CARS1: variants seen among roughly 807,000 people sequenced by gnomAD.
CARS1 encodes the protein cysteine--tRNA ligase, cytoplasmic.
Under a neutral mutation model 106.2 loss-of-function variants are expected in CARS1, and 48 were observed. That is an observed-to-expected ratio of 0.45 (90% CI 0.36 to 0.57). The LOEUF (loss-of-function observed/expected upper bound fraction) is 0.57. Among genes scored for constraint, CARS1 ranks in the 20% least tolerant of loss-of-function variants. The pLI is 0.00. For synonymous variants in CARS1, 409 were observed against 403.4 expected (o/e 1.01, Z -0.17); for missense variants, 968 against 1,057.2 (o/e 0.92, Z 1.17).
intron 1 of CARS1, among the ~76,000 whole-genome samples, chr11:3,056,266 G>A (rs772597063): frequency 6.6e-6 from 1 of 152,224 alleles, no homozygotes; most frequent in Non-Finnish European, 1.5e-5. Context: ...GGGGGCTGGA[G>A]GTGTCTTACA....
In CARS1 at chr11:3,048,062, A is replaced by G; in HGVS notation, c.26-61T>C. On this transcript the variant is annotated intron_variant, in intron 1 of 22. Transcript: ENST00000380525. This position sits in a 1 kb window ranked among gnomAD's most constrained non-coding sequence, Gnocchi z 5.1. Reference sequence around the variant, plus strand: ...AGGCGGGCAGCCCAGAGGCCGCCAGAAAGACAGGGACTAGGGGATGGCACA... The same window carrying G: ...AGGCGGGCAGCCCAGAGGCCGCCAGGAAGACAGGGACTAGGGGATGGCACA... The G allele has an allele frequency of 6.3e-7, 1 of 1,582,874 alleles. No individual in the cohort carries two copies. Among genetic ancestry groups the G allele is most frequent in the Non-Finnish European group, 8.6e-7 (1 of 1,161,660 alleles).
At position 3,038,703 on chromosome 11, in the gene CARS1, T is replaced by C. The variant is rs1854014211; in HGVS notation, c.651+491A>G. On this transcript the variant is annotated intron_variant, in intron 6 of 22. Coordinates refer to ENST00000380525, the MANE Select transcript of CARS1 (RefSeq NM_001014437.3). This position sits in a 1 kb window ranked among gnomAD's most constrained non-coding sequence, Gnocchi z 4.0. ...TAGTAGAGAGTAAAATGACCTATTC[T>C]TACTATTGTAATAAAAATAAGTATA... 1.3e-5 allele frequency among the ~76,000 whole-genome samples: 2 copies of C among 152,224 alleles called. No individual in the cohort carries two copies. The highest frequency in any genetic ancestry group is 4.8e-5 in the African/African-American group (2 of 41,450).
At position 3,041,034 on chromosome 11, in the gene CARS1, G is replaced by A. The variant is rs1306144513; in HGVS notation, c.367-50C>T. ...GATCACAAGAAATGCAAGAAACACTGCACAGGATTACCAAAAACAGCAACA... is the reference window on the plus strand; with the variant it reads ...GATCACAAGAAATGCAAGAAACACTACACAGGATTACCAAAAACAGCAACA... On this transcript the variant is annotated intron_variant, in intron 3 of 22. Coordinates refer to ENST00000380525, the MANE Select transcript of CARS1 (RefSeq NM_001014437.3). The surrounding 1 kb of genome is among the most constrained non-coding windows in gnomAD (Gnocchi z 4.9). The A allele has an allele frequency of 2.5e-6, 4 of 1,613,350 alleles. No homozygotes were observed. The highest frequency in any genetic ancestry group is 3.4e-6 in the Non-Finnish European group (4 of 1,179,684).
chr11:3,044,362 T>C lies in CARS1; in HGVS notation c.275-2106A>G, dbSNP rs1854854980. 6.6e-6 allele frequency among the ~76,000 whole-genome samples: 1 copy of C among 151,790 alleles called. No individual in the cohort carries two copies. The highest frequency in any genetic ancestry group is 2.1e-4 in the South Asian group (1 of 4,812). ...GGGTTACCAGGCCCAGATATACAAA[T>C]TCAGATTTGCAAAAGGGAAGAACTG... is the stretch of plus-strand genomic sequence containing the variant. On this transcript the variant is annotated intron_variant, in intron 2 of 22. Transcript: ENST00000380525. The surrounding 1 kb of genome is among the most constrained non-coding windows in gnomAD (Gnocchi z 4.4).
intron 17 of CARS1, among the ~76,000 whole-genome samples, chr11:3,014,433 A>T (rs57214282): frequency 0.011 from 1,675 of 152,352 alleles, 36 homozygotes; most frequent in African/African-American, 0.038. Context: ...CTTCGCAATC[A>T]GCTGACTGCA....
Position 3,057,399 on chromosome 11 carries a change from A to G in CARS1, c.-32T>C, listed in dbSNP as rs1229680140. The stretch of plus-strand genomic sequence containing the variant: ...GAATCCCGGACCCGCAGCTGCGGCT[A>G]CAGACACTTCCTAGAATCTGATGCA... On this transcript the variant is annotated 5_prime_UTR_variant, in exon 1 of 23. Transcript: ENST00000380525. The G allele has an allele frequency of 3.1e-6, 5 of 1,604,110 alleles. No individual in the cohort carries two copies. The South Asian group carries it at 5.5e-5, about 18-fold the overall frequency.
chr11:3,022,205 G>C lies in CARS1; in HGVS notation c.1154-1873C>G, dbSNP rs994401368. 1.3e-5 allele frequency among the ~76,000 whole-genome samples: 2 copies of C among 152,350 alleles called. No individual in the cohort carries two copies. Among genetic ancestry groups the C allele is most frequent in the African/African-American group, 4.8e-5 (2 of 41,584 alleles). ...TGCTCCACCACTGTTCCTAGCGATA[G>C]AATCTCTAACCCTGGACCTTTTTAC... On this transcript the variant is annotated intron_variant, in intron 10 of 22. Coordinates refer to ENST00000380525, the MANE Select transcript of CARS1 (RefSeq NM_001014437.3). This position sits in a 1 kb window ranked among gnomAD's most constrained non-coding sequence, Gnocchi z 4.9.
intron 18 of CARS1, among the ~76,000 whole-genome samples, chr11:3,010,872 A>G (rs1359238275): frequency 2.6e-5 from 4 of 152,116 alleles, no homozygotes; most frequent in African/African-American, 7.2e-5. Flanking sequence ...TGTCTTCAGC[A>G]TGCCCTGCCT....
chr11:3,040,128 C>G lies in CARS1; in HGVS notation c.456-197G>C. ...GGATGATGACCTTTATAATGATCCA[C>G]TTCCACCTAATGAATAGTAAATATA... On this transcript the variant is annotated intron_variant, in intron 4 of 22. Coordinates refer to ENST00000380525, the MANE Select transcript of CARS1 (RefSeq NM_001014437.3). The surrounding 1 kb of genome is among the most constrained non-coding windows in gnomAD (Gnocchi z 5.8). 1 of 515,820 alleles carries G rather than the reference C, an allele frequency of 1.9e-6. No homozygotes were observed. The highest frequency in any genetic ancestry group is 3.4e-6 in the Non-Finnish European group (1 of 294,734). The allele number at this position is 515,820 out of a possible 1,614,324, so 32.0% of individuals were successfully genotyped here.
chr11:3,017,156 T>G lies in CARS1; in HGVS notation c.1867A>C (p.Asn623His), dbSNP rs1565040203. Reference sequence around the variant, plus strand: ...GCGATGTTCTCCAGCAGAGCCTGGTTGGGCCTCTTCCTCACGGCTTTCCGG... The same window carrying G: ...GCGATGTTCTCCAGCAGAGCCTGGTGGGGCCTCTTCCTCACGGCTTTCCGG... ...AARKAVRKRP[N>H]QALLENIALY... The change falls in exon 16 of 23, where the codon AAC becomes CAC. Residue 623 changes from asparagine (N) to histidine (H), a missense_variant. Coordinates refer to ENST00000380525, the MANE Select transcript of CARS1 (RefSeq NM_001014437.3). This position sits in a 1 kb window ranked among gnomAD's most constrained non-coding sequence, Gnocchi z 4.9. 6.2e-7 allele frequency: 1 copy of G among 1,614,160 alleles called. No individual in the cohort carries two copies. Among genetic ancestry groups the G allele is most frequent in the African/African-American group, 1.3e-5 (1 of 75,052 alleles).
In CARS1 at chr11:3,006,770, T is replaced by C. The variant is rs540067919; in HGVS notation, c.2149+109A>G. On this transcript the variant is annotated intron_variant, in intron 19 of 22. Transcript: ENST00000380525. The stretch of plus-strand genomic sequence containing the variant: ...CCATGGGGCTGCCACTTTGGGATTC[T>C]GCATCAGCAATCATGAAGCATGAGC... 30 of 909,094 alleles carry C rather than the reference T, an allele frequency of 3.3e-5. No individual in the cohort carries two copies. The East Asian group carries it at 7.3e-4, about 22-fold the overall frequency. The allele number at this position is 909,094 out of a possible 1,614,324, so 56.3% of individuals were successfully genotyped here.
chr11:3,015,729 A>G, intron 17 of CARS1, 52 bp downstream of exon 17: 1 of 1,472,526 alleles, frequency 6.8e-7, no homozygotes, highest in Non-Finnish European at 9.5e-7. Context: ...ACAGAGGGGT[A>G]GGGAGTGGGG....
intron 21 of CARS1, 174 bp from the exon 22 acceptor site, chr11:3,002,227 T>C: frequency 1.5e-6 from 1 of 669,104 alleles, no homozygotes; most frequent in Non-Finnish European, 2.6e-6. Context: ...ACAAGGAATT[T>C]AAAATTAAAC....
chr11:3,007,348 C>T (rs556129720), intron 18 of CARS1: 1 of 217,556 alleles, frequency 4.6e-6, no homozygotes, highest in South Asian at 1.2e-4. Context: ...GGTGCTAACA[C>T]TCTTCATCTG....
chr11:3,012,203 T>C lies in CARS1; in HGVS notation c.2060A>G (p.Glu687Gly), dbSNP rs780897993. Residue 687 changes from glutamate to glycine, a missense_variant, in exon 18 of 23, where the codon GAG (glutamate) becomes GGG (glycine). Coordinates refer to ENST00000380525, the MANE Select transcript of CARS1 (RefSeq NM_001014437.3). Reference sequence around the variant, plus strand: ...CAGCAACTGGTCCTCACCTTTTTGCTCTCGGGCAATCTTCCGCACTCCTTC... The same window carrying C: ...CAGCAACTGGTCCTCACCTTTTTGCCCTCGGGCAATCTTCCGCACTCCTTC... ...FREGVRKIAR[E>G]QKVPEILQLS... 2 of 1,614,132 alleles carry C rather than the reference T, an allele frequency of 1.2e-6. No homozygotes were observed. Among genetic ancestry groups the C allele is most frequent in the East Asian group, 2.2e-5 (1 of 44,878 alleles).
In CARS1 at chr11:3,017,668, T is replaced by G; in HGVS notation, c.1727+189A>C. The G allele has an allele frequency of 1.8e-6, 1 of 569,790 alleles. No individual in the cohort carries two copies. The highest frequency in any genetic ancestry group is 3.1e-6 in the Non-Finnish European group (1 of 322,814). The allele number at this position is 569,790 out of a possible 1,614,324, so 35.3% of individuals were successfully genotyped here. A position where few individuals can be genotyped will look rare whatever the true frequency, so the allele number is the denominator to read the frequency against. On this transcript the variant is annotated intron_variant, in intron 15 of 22. Transcript: ENST00000380525. The surrounding 1 kb of genome is among the most constrained non-coding windows in gnomAD (Gnocchi z 4.9). ...CAAAAAGAAAAAACAAAAAAGAAATTCTCCATGCACTTCAACACCCAGAGC... is the reference window on the plus strand; with the variant it reads ...CAAAAAGAAAAAACAAAAAAGAAATGCTCCATGCACTTCAACACCCAGAGC...
chr11:3,002,026 G>A lies in CARS1; in HGVS notation c.2305C>T (p.Pro769Ser), dbSNP rs759326772. The A allele has an allele frequency of 5.0e-6, 8 of 1,613,684 alleles. No individual in the cohort carries two copies. Among genetic ancestry groups the A allele is most frequent in the Admixed American group, 1.7e-5 (1 of 60,018 alleles). The change falls in exon 22 of 23, where the codon CCC becomes TCC. Residue 769 changes from proline (P) to serine (S), a missense_variant. Transcript: ENST00000380525. ...EAAKLAKMKI[P>S]PSEMFLSETD... is the part of the protein sequence containing the mutation. ...TCTGACAAGAACATCTCACTGGGGG[G>A]AATCTTCATCTTGGCCAGCTTTGCT... is the stretch of plus-strand genomic sequence containing the variant.
At chr11:3,012,926 T>C (rs576890746) in intron 17 of CARS1, among the ~76,000 whole-genome samples, 76 of 148,746 alleles carry the variant, frequency 5.1e-4, no homozygotes, top group Non-Finnish European at 9.6e-4. Flanking sequence ...AATCTTGCTC[T>C]GTTGCCAGGC....
chr11:3,039,296 G>C lies in CARS1; in HGVS notation c.553-4C>G. Reference sequence around the variant, plus strand: ...TCTGCCGGGCCCTCTTGATGATCTGGGGAGGGAAGGCAGACATTGGGGAGT... The same window carrying C: ...TCTGCCGGGCCCTCTTGATGATCTGCGGAGGGAAGGCAGACATTGGGGAGT... On this transcript the variant is annotated splice_region_variant and splice_polypyrimidine_tract_variant and intron_variant, in intron 5 of 22. Coordinates refer to ENST00000380525, the MANE Select transcript of CARS1 (RefSeq NM_001014437.3). The surrounding 1 kb of genome is among the most constrained non-coding windows in gnomAD (Gnocchi z 5.6). The C allele has an allele frequency of 6.3e-7, 1 of 1,587,892 alleles. No individual in the cohort carries two copies. Among genetic ancestry groups the C allele is most frequent in the Non-Finnish European group, 8.6e-7 (1 of 1,156,390 alleles).
Sources: allele counts gnomAD v4.1 joint callset (sites outside exome capture counted in the v4.1 genomes callset), GRCh38; gene constraint gnomAD v4.1.1; non-coding constraint Gnocchi (gnomAD v3.1); transcripts MANE v1.5; gene names NCBI Gene and HGNC (gene_info 2026-07-23, HGNC 2026-07-21).